NLRP4: variants seen among roughly 807,000 people sequenced by gnomAD.
NLRP4 encodes NLR family pyrin domain containing 4.
Under a neutral mutation model 84.7 loss-of-function variants are expected in NLRP4, and 44 were observed. That is an observed-to-expected ratio of 0.52 (90% CI 0.41 to 0.67). The LOEUF (loss-of-function observed/expected upper bound fraction) is 0.67. Among genes scored for constraint, NLRP4 ranks in the 30% least tolerant of loss-of-function variants. The pLI is 0.00. For missense variants in NLRP4, 1,260 were observed against 1,219.4 expected (o/e 1.03, Z -0.50); for synonymous variants, 544 against 476.4 (o/e 1.14, Z -1.85).
chr19:55,857,758 A>G lies in NLRP4; in HGVS notation c.365A>G (p.Tyr122Cys), dbSNP rs753478702. 4 of 1,613,962 alleles carry G rather than the reference A, an allele frequency of 2.5e-6. No homozygotes were observed. Among genetic ancestry groups the G allele is most frequent in the Non-Finnish European group, 3.4e-6 (4 of 1,179,860 alleles). Residue 122 changes from tyrosine (Y) to cysteine (C), a missense_variant, in exon 3 of 10, where the codon TAC becomes TGC. Coordinates refer to ENST00000301295, the MANE Select transcript of NLRP4 (RefSeq NM_134444.5). ...SSKSVTEIHL[Y>C]FEEEVKQEEC... Reference sequence around the variant, plus strand: ...AAGTCTGTCACTGAGATTCACCTATACTTTGAGGAGGAAGTCAAGCAAGAA... The same window carrying G: ...AAGTCTGTCACTGAGATTCACCTATGCTTTGAGGAGGAAGTCAAGCAAGAA...
intron 7 of NLRP4, among the ~76,000 whole-genome samples, chr19:55,876,459 G>A (rs1016821184): frequency 6.6e-6 from 1 of 152,076 alleles, no homozygotes; most frequent in Non-Finnish European, 1.5e-5. Context: ...AGTGATTCTT[G>A]TGCCTCAACC....
At chr19:55,845,489 G>A (rs944889767) in intron 1 of NLRP4, among the ~76,000 whole-genome samples, 110 of 151,962 alleles carry the variant, frequency 7.2e-4, no homozygotes, top group African/African-American at 2.4e-3. Context: ...ATAAACATAC[G>A]TGTGCATGTG....
chr19:55,870,282 T>TA (rs918183038), intron 6 of NLRP4, among the ~76,000 whole-genome samples: 3 of 152,306 alleles, frequency 2.0e-5, no homozygotes, highest in Non-Finnish European at 2.9e-5. Context: ...AAAGCCCTGT[T>TA]AGAGTATTAG....
chr19:55,858,351 A>G lies in NLRP4; in HGVS notation c.958A>G (p.Arg320Gly). 1 of 1,614,210 alleles carries G rather than the reference A, an allele frequency of 6.2e-7. No individual in the cohort carries two copies. The highest frequency in any genetic ancestry group is 8.5e-7 in the Non-Finnish European group (1 of 1,180,036). ...CTGCTGTTTCTTCAAAGACCCGAAA[A>G]GAGCCATGGAAGCCTTCAATCTTGT... ...YFCCFFKDPK[R>G]AMEAFNLVRE... The change falls in exon 3 of 10, where the codon AGA (arginine) becomes GGA (glycine). Residue 320 changes from arginine (R) to glycine (G), a missense_variant. Around this residue, in one of 3 missense-constraint regions of NLRP4, gnomAD observed 712 missense variants for 669.2 expected, o/e 1.06. Coordinates refer to ENST00000301295, the MANE Select transcript of NLRP4 (RefSeq NM_134444.5). This position sits in a 1 kb window ranked among gnomAD's most constrained non-coding sequence, Gnocchi z 4.2.
intron 6 of NLRP4, among the ~76,000 whole-genome samples, chr19:55,868,721 C>T (rs1043486868): frequency 4.6e-5 from 7 of 151,790 alleles, no homozygotes; most frequent in Non-Finnish European, 8.8e-5. Flanking sequence ...AGGCTGGTCT[C>T]GAGTGTGTCT....
chr19:55,843,048 C>T lies in NLRP4; in HGVS notation c.-66+6114C>T, dbSNP rs374007912. On this transcript the variant is annotated intron_variant, in intron 1 of 9. Transcript: ENST00000301295. ...TGCTGGGATTACAGGCGTCAGCCAC[C>T]GTGCCTGGCCTTATTTCTTAAAGAT... Among the ~76,000 whole-genome samples, 240 of 152,262 alleles carry T rather than the reference C, an allele frequency of 1.6e-3. 9 individuals carry two copies. The South Asian group carries it at 0.047, about 30-fold the overall frequency.
chr19:55,868,226 C>T (rs1239478244), intron 6 of NLRP4, among the ~76,000 whole-genome samples: 1 of 152,078 alleles, frequency 6.6e-6, no homozygotes, highest in African/African-American at 2.4e-5. Flanking sequence ...TTATTTCGAG[C>T]ATGTAGAATA....
chr19:55,870,453 C>T (rs1985131442), intron 6 of NLRP4, among the ~76,000 whole-genome samples: 1 of 152,040 alleles, frequency 6.6e-6, no homozygotes. Flanking sequence ...ACCTGAGGTC[C>T]GGAGTTCGAG....
chr19:55,865,686 G>T (rs952968133), intron 5 of NLRP4, among the ~76,000 whole-genome samples: 1 of 152,028 alleles, frequency 6.6e-6, no homozygotes, highest in Non-Finnish European at 1.5e-5. Context: ...GTATCTCATT[G>T]CAGTTTTGAT....
chr19:55,840,330 A>G (rs946338420), intron 1 of NLRP4, among the ~76,000 whole-genome samples: 36 of 134,030 alleles, frequency 2.7e-4, no homozygotes, highest in African/African-American at 8.4e-4. Flanking sequence ...GTGTATAGAC[A>G]TATGTGTATG....
chr19:55,850,668 T>C (rs1190333110), intron 1 of NLRP4, among the ~76,000 whole-genome samples: 1 of 121,398 alleles, frequency 8.2e-6, no homozygotes, highest in African/African-American at 3.7e-5. Context: ...CGGTGTAATG[T>C]CCGTGGCTGC....
At position 55,836,752 on chromosome 19, in the gene NLRP4, C is replaced by T. The variant is rs430219; in HGVS notation, c.-248C>T. The T allele has an allele frequency of 0.15, 21,501 of 143,446 alleles. 1,851 individuals are homozygous for T. Among genetic ancestry groups the T allele is most frequent in the East Asian group, 0.31 (1,547 of 5,006 alleles). 8.9% of individuals were successfully genotyped at this position (143,446 alleles called of 1,614,324 possible). ...TCCAGTTAGTGGGGTAGATGAACGC[C>T]CTGTGTTTATAAGGTGCCTCCCAGG... On this transcript the variant is annotated 5_prime_UTR_variant, in exon 1 of 10. Transcript: ENST00000301295.
chr19:55,862,934 C>T (rs937762759), intron 5 of NLRP4, among the ~76,000 whole-genome samples: 1 of 152,206 alleles, frequency 6.6e-6, no homozygotes, highest in Non-Finnish European at 1.5e-5. Flanking sequence ...TGTGTGTATT[C>T]AGCCTTCATG....
Position 55,856,576 on chromosome 19 carries a change from T to C in NLRP4, c.281-1098T>C, listed in dbSNP as rs186822166. On this transcript the variant is annotated intron_variant, in intron 2 of 9. Transcript: ENST00000301295. ...TGTTGCCCACGTTAGAGTACAGCAG[T>C]GCCATCTCAGCTCACTGCAACCTCT... Among the ~76,000 whole-genome samples, 490 of 145,194 alleles carry C rather than the reference T, an allele frequency of 3.4e-3. 3 individuals carry two copies. Among genetic ancestry groups the C allele is most frequent in the African/African-American group, 0.012 (448 of 38,286 alleles).
chr19:55,861,401 C>T lies in NLRP4; in HGVS notation c.1872C>T (p.Leu624=), dbSNP rs768861473. Reference sequence around the variant, plus strand: ...TTGACCACAGGTCGGATTACAGCCTCATCTGTTGGCATCACATCTGCTCTG... The same window carrying T: ...TTGACCACAGGTCGGATTACAGCCTTATCTGTTGGCATCACATCTGCTCTG... ...DEHSSTSDYS[L]ICWHHICSVL... Residue 624 remains leucine (L), a synonymous_variant, in exon 4 of 10, where the codon CTC becomes CTT. Coordinates refer to ENST00000301295, the MANE Select transcript of NLRP4 (RefSeq NM_134444.5). 17 of 1,613,890 alleles carry T rather than the reference C, an allele frequency of 1.1e-5. No homozygotes were observed. The highest frequency in any genetic ancestry group is 1.1e-5 in the Non-Finnish European group (13 of 1,179,904).
Position 55,852,013 on chromosome 19 carries a change from C to T in NLRP4, c.-65-3C>T, listed in dbSNP as rs115334515. On this transcript the variant is annotated splice_region_variant and splice_polypyrimidine_tract_variant and intron_variant, in intron 1 of 9. Coordinates refer to ENST00000301295, the MANE Select transcript of NLRP4 (RefSeq NM_134444.5). ...ACTTGGCACTGTCCTGAATTTTCTA[C>T]AGGTTTTATTTATTTATTGTTCCTG... The T allele has an allele frequency of 8.7e-4, 1,049 of 1,200,990 alleles. 3 individuals carry two copies. In the African/African-American group the frequency reaches 0.013, roughly 15 times the overall value. The allele number at this position is 1,200,990 out of a possible 1,614,324, so 74.4% of individuals were successfully genotyped here.
intron 3 of NLRP4, among the ~76,000 whole-genome samples, chr19:55,860,328 A>G (rs1252689158): frequency 2.0e-5 from 3 of 152,238 alleles, no homozygotes; most frequent in Admixed American, 6.5e-5. Context: ...TATAACCCCA[A>G]CACTTTGAGA....
At position 55,849,871 on chromosome 19, in the gene NLRP4, T is replaced by TAGCTGC. The variant is rs1568657960; in HGVS notation, c.-65-2145_-65-2144insAGCTGC. 1.1e-4 allele frequency among the ~76,000 whole-genome samples: 9 copies of TAGCTGC among 85,588 alleles called. 1 individual carries two copies. The highest frequency in any genetic ancestry group is 4.1e-4 in the African/African-American group (5 of 12,116). 56.1% of individuals were successfully genotyped at this position (85,588 alleles called of 152,430 possible). ...TTCCGAGACTGCGGTGTAATTTCCGTGGCCGCGGTGTAATTTCCGTGGCCG... is the reference window on the plus strand; with the variant it reads ...TTCCGAGACTGCGGTGTAATTTCCGTAGCTGCGGCCGCGGTGTAATTTCCGTGGCCG... On this transcript the variant is annotated intron_variant, in intron 1 of 9. Coordinates refer to ENST00000301295, the MANE Select transcript of NLRP4 (RefSeq NM_134444.5).
At chr19:55,849,824 A>G (rs1324802238) in intron 1 of NLRP4, among the ~76,000 whole-genome samples, 1 of 151,782 alleles carries the variant, frequency 6.6e-6, no homozygotes, top group East Asian at 1.9e-4. Flanking sequence ...CTGCGGTGTA[A>G]TTTCCGAAGC....
Sources: gnomAD v4.1 joint callset for allele counts (sites outside exome capture counted in the v4.1 genomes callset) on GRCh38, gnomAD v4.1.1 for gene constraint, gnomAD v4.1.1 regional missense constraint, Gnocchi (gnomAD v3.1) non-coding constraint, MANE v1.5 for transcripts, NCBI Gene and HGNC (gene_info 2026-07-23, HGNC 2026-07-21) for gene names.